The following JMJD1C variants were observed in gnomAD, a reference collection of about 807,000 sequenced individuals.
The protein encoded by JMJD1C is jumonji domain containing 1C, also known as jumonji domain-containing protein 1C.
A neutral mutation model predicts 245.3 loss-of-function variants in JMJD1C; 31 were observed. The ratio of observed to expected loss-of-function variants is 0.13; its 90% CI spans 0.09 to 0.17. The LOEUF (loss-of-function observed/expected upper bound fraction) is 0.17, where lower values mean the gene tolerates loss of function less well. JMJD1C is among the 10% of genes least tolerant of loss of function. JMJD1C has a pLI of 1.00. For synonymous variants in JMJD1C, 1,057 were observed against 1,017.4 expected (o/e 1.04, Z -0.74); for missense variants, 2,691 against 3,000.2 (o/e 0.90, Z 2.41).
At chr10:63,458,059 A>G (rs916334601) in intron 1 of JMJD1C, among the ~76,000 whole-genome samples, 3 of 152,270 alleles carry the variant, frequency 2.0e-5, no homozygotes, top group African/African-American at 7.2e-5. Flanking sequence ...TAAATTCTAC[A>G]CAAAGGGATT....
chr10:63,189,187 T>G lies in JMJD1C; in HGVS notation c.6551A>C (p.Glu2184Ala). ...ACACACCTGTCCTTGTTTCCAACAT[T>G]CTTTGAAAAGCTTCCAATTACTGCT... ...KNSSNWKLFK[E>A]CWKQGQPAVV... The change falls in exon 18 of 26, where the codon GAA becomes GCA. Residue 2184 changes from glutamate (E) to alanine (A), a missense_variant. Around this residue, in one of 9 missense-constraint regions of JMJD1C, gnomAD observed 232 missense variants for 416.1 expected, o/e 0.56. Coordinates refer to ENST00000399262, the MANE Select transcript of JMJD1C (RefSeq NM_032776.3). 1 of 1,609,260 alleles carries G rather than the reference T, an allele frequency of 6.2e-7. No individual in the cohort carries two copies. Among genetic ancestry groups the G allele is most frequent in the Non-Finnish European group, 8.5e-7 (1 of 1,178,178 alleles).
At chr10:63,489,864 TACC>T (rs934242117) in intron 1 of JMJD1C, among the ~76,000 whole-genome samples, 2 of 152,142 alleles carry the variant, frequency 1.3e-5, no homozygotes, top group Non-Finnish European at 2.9e-5. Flanking sequence ...CATGGACCAG[TACC>T]AGTCCATGGC....
intron 1 of JMJD1C, among the ~76,000 whole-genome samples, chr10:63,508,678 C>T (rs1044082619): frequency 6.6e-6 from 1 of 152,148 alleles, no homozygotes; most frequent in African/African-American, 2.4e-5. Context: ...GGTTTCTTTA[C>T]ATAGATCTTG....
intron 2 of JMJD1C, among the ~76,000 whole-genome samples, chr10:63,291,938 G>C (rs1261099251): frequency 1.3e-5 from 2 of 151,932 alleles, no homozygotes; most frequent in Non-Finnish European, 2.9e-5. Context: ...GTGTGTGCAT[G>C]TCTGTGTGTG....
At chr10:63,378,754 G>C (rs967023526) in intron 2 of JMJD1C, among the ~76,000 whole-genome samples, 1 of 152,062 alleles carries the variant, frequency 6.6e-6, no homozygotes, top group Non-Finnish European at 1.5e-5. Flanking sequence ...CTCATAAATT[G>C]TATCCAGTTT....
rs56316223 is a variant in JMJD1C at position 63,445,862 on chromosome 10, A to ATTTTTT, written c.168+19627_168+19632dup. Among the ~76,000 whole-genome samples, 7 of 75,714 alleles carry ATTTTTT rather than the reference A, an allele frequency of 9.2e-5. 1 individual carries two copies. The highest frequency in any genetic ancestry group is 1.6e-4 in the Non-Finnish European group (7 of 45,148). The allele number at this position is 75,714 out of a possible 152,430, so 49.7% of individuals were successfully genotyped here. ...AAAAATGACATGTGCTGGGATCTGAATTTTTTTTTTTTTTTTTTTTTTTTT... is the reference window on the plus strand; with the variant it reads ...AAAAATGACATGTGCTGGGATCTGAATTTTTTTTTTTTTTTTTTTTTTTTTTTTTTT... On this transcript the variant is annotated intron_variant, in intron 1 of 25. Coordinates refer to ENST00000399262, the MANE Select transcript of JMJD1C (RefSeq NM_032776.3).
chr10:63,382,079 C>T (rs761067121), intron 1 of JMJD1C, among the ~76,000 whole-genome samples: 2 of 151,960 alleles, frequency 1.3e-5, no homozygotes, highest in African/African-American at 2.4e-5. Flanking sequence ...GGTGTGGTGG[C>T]GGGTGCCTGT....
chr10:63,209,004 G>T, intron 9 of JMJD1C, 59 bp downstream of exon 9: 2 of 1,406,786 alleles, frequency 1.4e-6, no homozygotes, highest in Non-Finnish European at 2.0e-6. Flanking sequence ...TATTTAAAAG[G>T]CAAATTAAGA....
chr10:63,336,062 G>A (rs543649928), intron 2 of JMJD1C, among the ~76,000 whole-genome samples: 5 of 152,030 alleles, frequency 3.3e-5, no homozygotes, highest in Non-Finnish European at 7.4e-5. Context: ...CGGAGGCTGC[G>A]GTGAGCGGAG....
intron 3 of JMJD1C, among the ~76,000 whole-genome samples, chr10:63,221,909 A>C (rs937003304): frequency 2.0e-5 from 3 of 152,098 alleles, no homozygotes; most frequent in Admixed American, 2.0e-4. Flanking sequence ...TTTAGTAGAG[A>C]TGGGGTTTCA....
At chr10:63,189,926 T>C (rs1844571752) in intron 17 of JMJD1C, among the ~76,000 whole-genome samples, 3 of 150,552 alleles carry the variant, frequency 2.0e-5, no homozygotes, top group Admixed American at 6.6e-5. Flanking sequence ...AGTCTCACTC[T>C]GTTGCCCAGG....
At chr10:63,255,526 A>G (rs1294982608) in intron 3 of JMJD1C, among the ~76,000 whole-genome samples, 1 of 152,184 alleles carries the variant, frequency 6.6e-6, no homozygotes, top group Admixed American at 6.5e-5. Context: ...TCTAGTTCCC[A>G]ATTCCAGTCT....
At chr10:63,475,720 C>G (rs568120158) in intron 1 of JMJD1C, among the ~76,000 whole-genome samples, 1 of 152,200 alleles carries the variant, frequency 6.6e-6, no homozygotes, top group Non-Finnish European at 1.5e-5. Context: ...CCCACCACAA[C>G]AACACAAACT....
At chr10:63,509,094 G>A (rs997118506) in intron 1 of JMJD1C, among the ~76,000 whole-genome samples, 2 of 152,136 alleles carry the variant, frequency 1.3e-5, no homozygotes, top group African/African-American at 4.8e-5. Flanking sequence ...AGGTAAGAAA[G>A]TTCCTCTCTC....
At chr10:63,397,623 T>G (rs1948590814) in intron 1 of JMJD1C, among the ~76,000 whole-genome samples, 1 of 151,936 alleles carries the variant, frequency 6.6e-6, no homozygotes, top group African/African-American at 2.4e-5. Flanking sequence ...AGCCTCAAAT[T>G]CCTGGGCTCA....
intron 2 of JMJD1C, among the ~76,000 whole-genome samples, chr10:63,373,385 C>T (rs1014171937): frequency 6.6e-6 from 1 of 152,096 alleles, no homozygotes; most frequent in Non-Finnish European, 1.5e-5. Flanking sequence ...GCTGAAGATG[C>T]AATTATGTTA....
intron 22 of JMJD1C, among the ~76,000 whole-genome samples, chr10:63,179,182 G>A (rs922820731): frequency 6.6e-6 from 1 of 151,736 alleles, no homozygotes; most frequent in African/African-American, 2.4e-5. Flanking sequence ...GGCCGAGGCA[G>A]GCGGATCACC....
intron 22 of JMJD1C, among the ~76,000 whole-genome samples, chr10:63,181,773 T>A (rs990339581): frequency 6.6e-6 from 1 of 152,200 alleles, no homozygotes; most frequent in Non-Finnish European, 1.5e-5. Flanking sequence ...GCAGGTTAAC[T>A]TCTAAGTGCT....
intron 1 of JMJD1C, among the ~76,000 whole-genome samples, chr10:63,405,198 AAT>A (rs1473163373): frequency 1.3e-5 from 2 of 152,212 alleles, no homozygotes; most frequent in Non-Finnish European, 2.9e-5. Context: ...GTAGGTATTA[AAT>A]ATGTTTTTCA....
Sources: allele counts gnomAD v4.1 joint callset (sites outside exome capture counted in the v4.1 genomes callset), GRCh38; gene constraint gnomAD v4.1.1; regional missense constraint gnomAD v4.1.1; transcripts MANE v1.5; gene names NCBI Gene and HGNC (gene_info 2026-07-23, HGNC 2026-07-21).